WDR49: variants seen among roughly 807,000 people sequenced by gnomAD.
WDR49 encodes the protein WD repeat domain 49.
In WDR49, 107 loss-of-function variants were observed where a neutral mutation model predicts 119.5. The observed-to-expected ratio is 0.90, with a 90% CI of 0.77 to 1.05. The LOEUF is 1.05. WDR49 is among the 50% of genes least tolerant of loss of function. The pLI is 0.00. For missense variants in WDR49, 1,240 were observed against 1,220.5 expected, an observed-to-expected ratio of 1.02 and a Z score of -0.24; for synonymous variants, 425 against 418.8, an observed-to-expected ratio of 1.01 and a Z score of -0.18.
At chr3:167,600,250 G>A (rs904250711) in intron 7 of WDR49, among the ~76,000 whole-genome samples, 2 of 152,054 alleles carry the variant, frequency 1.3e-5, no homozygotes, top group Non-Finnish European at 2.9e-5. Flanking sequence ...GCCCTGGCTG[G>A]TGTCTCAGTA....
At chr3:167,564,970 A>G (rs1713509121) in intron 8 of WDR49, among the ~76,000 whole-genome samples, 1 of 152,072 alleles carries the variant, frequency 6.6e-6, no homozygotes, top group Non-Finnish European at 1.5e-5. Flanking sequence ...GGGTTGAGAT[A>G]CTTGATTCCA....
intron 2 of WDR49, among the ~76,000 whole-genome samples, chr3:167,641,634 A>G (rs1048708658): frequency 6.6e-6 from 1 of 151,960 alleles, no homozygotes; most frequent in Non-Finnish European, 1.5e-5. Context: ...TCCTATGTAG[A>G]TAGTTCAAAT....
At chr3:167,490,448 C>G (rs900826027) in intron 18 of WDR49, among the ~76,000 whole-genome samples, 2 of 152,084 alleles carry the variant, frequency 1.3e-5, no homozygotes, top group Admixed American at 1.3e-4. Context: ...TGAGGTGAGC[C>G]ATGTGTAGCA....
chr3:167,593,259 T>C (rs1715233247), intron 7 of WDR49, among the ~76,000 whole-genome samples: 1 of 152,102 alleles, frequency 6.6e-6, no homozygotes, highest in South Asian at 2.1e-4. Flanking sequence ...TTGAGACTGT[T>C]TTCTAGATCT....
intron 18 of WDR49, among the ~76,000 whole-genome samples, chr3:167,487,878 T>C (rs1750985298): frequency 2.0e-5 from 3 of 151,882 alleles, no homozygotes; most frequent in South Asian, 2.1e-4. Context: ...AAACAACAGA[T>C]TCTTGCAAGG....
chr3:167,522,628 C>T (rs1466525245), intron 15 of WDR49, 144 bp from the exon 16 acceptor site: 8 of 704,936 alleles, frequency 1.1e-5, no homozygotes, highest in Admixed American at 7.6e-5. Context: ...CTCCGGTCCA[C>T]AAGAAGCTTA....
intron 7 of WDR49, among the ~76,000 whole-genome samples, chr3:167,592,886 C>A (rs980761188): frequency 1.3e-5 from 2 of 152,114 alleles, no homozygotes; most frequent in Non-Finnish European, 2.9e-5. Flanking sequence ...GATATTTTTG[C>A]AAGATATAGT....
chr3:167,487,570 ACCATC>A (rs1750973765), intron 18 of WDR49, among the ~76,000 whole-genome samples: 1 of 152,150 alleles, frequency 6.6e-6, no homozygotes, highest in South Asian at 2.1e-4. Flanking sequence ...AGCAAAACAA[ACCATC>A]AACAGAGTAA....
At chr3:167,624,257 A>AT (rs1053960210) in intron 3 of WDR49, among the ~76,000 whole-genome samples, 2 of 151,916 alleles carry the variant, frequency 1.3e-5, no homozygotes, top group Non-Finnish European at 2.9e-5. Context: ...GTGAGGCTAT[A>AT]TGCACAAAAT....
At chr3:167,656,816 G>A (rs941657578), upstream of WDR49, among the ~76,000 whole-genome samples, 2 of 152,116 alleles carry the variant, frequency 1.3e-5, no homozygotes, top group African/African-American at 4.8e-5. Flanking sequence ...TGCTTGCCAT[G>A]AATCAAGTAT....
In WDR49 at chr3:167,514,650, C is replaced by G. The variant is rs1466186907; in HGVS notation, c.2774+7665G>C. 2.0e-5 allele frequency among the ~76,000 whole-genome samples: 3 copies of G among 151,412 alleles called. No individual in the cohort carries two copies. In the East Asian group the frequency reaches 5.8e-4, roughly 29 times the overall value. ...GCAGACACACACACACACACACACA[C>G]ACACACACACACACACACACCCTTC... On this transcript the variant is annotated intron_variant, in intron 16 of 18. Coordinates refer to ENST00000682715, the MANE Select transcript of WDR49 (RefSeq NM_001366157.1).
chr3:167,636,464 A>G (rs1381611362), intron 2 of WDR49, among the ~76,000 whole-genome samples: 3 of 151,494 alleles, frequency 2.0e-5, no homozygotes, highest in Non-Finnish European at 1.5e-5. Context: ...CGTGTGGGCA[A>G]TATCTTTTTG....
rs1316540675 is a variant in WDR49 at position 167,645,182 on chromosome 3, C to A, written c.165+8079G>T. Among the ~76,000 whole-genome samples the A allele has an allele frequency of 2.0e-5, 3 of 151,620 alleles. No individual in the cohort carries two copies. The East Asian group carries it at 5.8e-4, about 29-fold the overall frequency. ...ATTTTTTACCATGAGAATAATGTTA[C>A]TTTTATTTATTTAATTTAATTTATT... On this transcript the variant is annotated intron_variant, in intron 2 of 18. Coordinates refer to ENST00000682715, the MANE Select transcript of WDR49 (RefSeq NM_001366157.1).
At chr3:167,538,677 G>T (rs1444967448) in intron 10 of WDR49, among the ~76,000 whole-genome samples, 1 of 152,082 alleles carries the variant, frequency 6.6e-6, no homozygotes, top group Non-Finnish European at 1.5e-5. Flanking sequence ...AGAGCCGTCA[G>T]CATAAAATGA....
rs543927930 is a variant in WDR49 at position 167,504,267 on chromosome 3, G to A, written c.2884+1040C>T. ...CTACAGGCACTCAACTCTAACCCAT[G>A]AGAACAACCACAAGGGCTGTACCCT... On this transcript the variant is annotated intron_variant, in intron 17 of 18. Transcript: ENST00000682715. Among the ~76,000 whole-genome samples the A allele has an allele frequency of 5.9e-5, 9 of 152,280 alleles. 1 individual carries two copies. In the South Asian group the frequency reaches 1.9e-3, roughly 32 times the overall value.
chr3:167,590,691 A>T (rs2108295878), intron 7 of WDR49, among the ~76,000 whole-genome samples: 1 of 152,250 alleles, frequency 6.6e-6, no homozygotes, highest in East Asian at 1.9e-4. Context: ...ATTAACATAT[A>T]GTGGCTCATA....
At chr3:167,529,674 A>G (rs1439728053) in intron 13 of WDR49, among the ~76,000 whole-genome samples, 1 of 152,156 alleles carries the variant, frequency 6.6e-6, no homozygotes, top group Non-Finnish European at 1.5e-5. Flanking sequence ...TGGATGGAAT[A>G]TGTAGTGATA....
intron 5 of WDR49, among the ~76,000 whole-genome samples, chr3:167,616,229 A>T (rs917116651): frequency 1.3e-5 from 2 of 152,264 alleles, no homozygotes; most frequent in Admixed American, 1.3e-4. Context: ...GAAAGAGGCT[A>T]AATGATCAAC....
chr3:167,607,085 C>G, intron 5 of WDR49, among the ~76,000 whole-genome samples: 1 of 152,198 alleles, frequency 6.6e-6, no homozygotes, highest in African/African-American at 2.4e-5. Flanking sequence ...CTTGACTTCT[C>G]TATACGGCAT....
Sources: gnomAD v4.1 joint callset for allele counts (sites outside exome capture counted in the v4.1 genomes callset) on GRCh38, gnomAD v4.1.1 for gene constraint, MANE v1.5 for transcripts, NCBI Gene and HGNC (gene_info 2026-07-23, HGNC 2026-07-21) for gene names.